USP3: variants seen among roughly 807,000 people sequenced by gnomAD.
The protein encoded by USP3 is ubiquitin specific peptidase 3.
USP3 carries 20 observed loss-of-function variants against 72.3 expected under a neutral mutation model. The ratio of observed to expected loss-of-function variants is 0.28; its 90% confidence interval spans 0.19 to 0.40. The LOEUF (loss-of-function observed/expected upper bound fraction) is 0.40, where lower values mean the gene tolerates loss of function less well. USP3 is among the 10% of genes least tolerant of loss of function. USP3 has a pLI of 1.00. For synonymous variants in USP3, 222 were observed against 225.3 expected (o/e 0.99, Z 0.13); for missense variants, 479 against 633.9 (o/e 0.76, Z 2.62).
At chr15:63,547,115 A>C (rs1357786946) in intron 3 of USP3, among the ~76,000 whole-genome samples, 3 of 152,234 alleles carry the variant, frequency 2.0e-5, no homozygotes, top group South Asian at 2.1e-4. Context: ...ATGTGCTGTG[A>C]GGCTAGTTAC....
chr15:63,536,945 T>G (rs2066167179), intron 2 of USP3, 80 bp from the exon 3 acceptor site: 2 of 1,399,166 alleles, frequency 1.4e-6, no homozygotes, highest in Admixed American at 2.3e-5. Context: ...TTGATTTGAT[T>G]AATATTTAAT....
Position 63,588,168 on chromosome 15 carries a change from T to G in USP3, c.1097-137T>G, listed in dbSNP as rs1386431276. ...TAGGTATTATTTTTTGTCTCCAGTT[T>G]GCAATTGAGAAAGGTTAACTTTTCT... On this transcript the variant is annotated intron_variant, in intron 11 of 14. Coordinates refer to ENST00000380324, the MANE Select transcript of USP3 (RefSeq NM_006537.4). This position sits in a 1 kb window ranked among gnomAD's most constrained non-coding sequence, Gnocchi z 4.6. 1.4e-5 allele frequency: 8 copies of G among 588,592 alleles called. No individual in the cohort carries two copies. Among genetic ancestry groups the G allele is most frequent in the Non-Finnish European group, 2.3e-5 (8 of 343,506 alleles). The allele number at this position is 588,592 out of a possible 1,614,324, so 36.5% of individuals were successfully genotyped here.
rs761951575 is a variant in USP3, at chr15:63,559,924, G to A, written c.601G>A (p.Ala201Thr). 6.2e-7 allele frequency: 1 copy of A among 1,614,106 alleles called. No individual in the cohort carries two copies. Among genetic ancestry groups the A allele is most frequent in the Non-Finnish European group, 8.5e-7 (1 of 1,179,980 alleles). The part of the protein sequence containing the change: ...PAVELRNGKT[A>T]GRRTYHTRSQ... ...CGTGGAGTTAAGGAATGGGAAAACAGCAGGAAGGCGGACATACCACACCAG... is the reference window on the plus strand; with the variant it reads ...CGTGGAGTTAAGGAATGGGAAAACAACAGGAAGGCGGACATACCACACCAG... The change falls in exon 7 of 15, where the codon GCA (alanine) becomes ACA (threonine). Residue 201 changes from alanine to threonine, a missense_variant. Physicochemically the swap from Ala to Thr is moderately conservative, Grantham distance 58. Transcript: ENST00000380324.
In USP3 at chr15:63,559,945, A is replaced by C. The variant is rs2152672804; in HGVS notation, c.622A>C (p.Thr208Pro). 1 of 1,614,054 alleles carries C rather than the reference A, an allele frequency of 6.2e-7. No individual in the cohort carries two copies. Residue 208 changes from threonine (T) to proline (P), a missense_variant, in exon 7 of 15, where the codon ACC becomes CCC. Coordinates refer to ENST00000380324, the MANE Select transcript of USP3 (RefSeq NM_006537.4). ...GKTAGRRTYH[T>P]RSQGDNNVSL... ...AACAGCAGGAAGGCGGACATACCAC[A>C]CCAGGAGCCAAGGGGATAACAATGT... is the stretch of plus-strand genomic sequence containing the variant.
In USP3 at chr15:63,593,576, G is replaced by A. The variant is rs1164121532; in HGVS notation, c.*2750G>A. On this transcript the variant is annotated 3_prime_UTR_variant, in exon 15 of 15. Coordinates refer to ENST00000380324, the MANE Select transcript of USP3 (RefSeq NM_006537.4). ...TGCTGTTGGCTTAAGAGATGAACAC[G>A]TCTTCTCTCTGAATTTGTTTTTATT... 2 of 152,214 alleles carry A rather than the reference G, an allele frequency of 1.3e-5. No individual in the cohort carries two copies. Among genetic ancestry groups the A allele is most frequent in the African/African-American group, 2.4e-5 (1 of 41,434 alleles). 9.4% of individuals were successfully genotyped at this position (152,214 alleles called of 1,614,324 possible). A position where few individuals can be genotyped will look rare whatever the true frequency, so the allele number is the denominator to read the frequency against.
chr15:63,575,614 G>A (rs2066851089), intron 11 of USP3, among the ~76,000 whole-genome samples: 1 of 152,146 alleles, frequency 6.6e-6, no homozygotes, highest in Non-Finnish European at 1.5e-5. Context: ...TACACAACCA[G>A]TGTTGATTGT....
At chr15:63,559,752 C>G (rs2066573610) in intron 6 of USP3, 105 bp from the exon 7 acceptor site, 1 of 892,818 alleles carries the variant, frequency 1.1e-6, no homozygotes, top group South Asian at 1.8e-5. Flanking sequence ...TTAAATGAGA[C>G]AATTGAAAAA....
Position 63,574,348 on chromosome 15 carries a change from G to T in USP3, c.1041G>T (p.Gln347His). The T allele has an allele frequency of 6.2e-7, 1 of 1,605,960 alleles. No homozygotes were observed. Reference protein sequence around the residue: ...FLDLSLDIPSQFRSKRSKNQE... With the variant: ...FLDLSLDIPSHFRSKRSKNQE... The stretch of plus-strand genomic sequence containing the variant: ...ACCTTTCATTAGATATTCCAAGTCA[G>T]TTCAGAAGTAAGCGCTCTAAGAATC... The change falls in exon 11 of 15, where the codon CAG becomes CAT. Residue 347 changes from glutamine (Q) to histidine (H), a missense_variant. Transcript: ENST00000380324. The surrounding 1 kb of genome is among the most constrained non-coding windows in gnomAD (Gnocchi z 4.6).
Position 63,504,776 on chromosome 15 carries a change from G to A in USP3, c.37G>A (p.Ala13Thr). ...ACACCTGAGCTCCAGCGTCTGCATT[G>A]CTCCGGACTCAGCCAAGTTCCCCAA... Reference protein sequence around the residue: ...CPHLSSSVCIAPDSAKFPNGS... With the variant: ...CPHLSSSVCITPDSAKFPNGS... The change falls in exon 1 of 15, where the codon GCT (alanine) becomes ACT (threonine). Residue 13 changes from alanine to threonine, a missense_variant. Ala to Thr is a moderately conservative substitution (Grantham distance 58). Transcript: ENST00000380324. The A allele has an allele frequency of 1.2e-6, 2 of 1,611,620 alleles. No individual in the cohort carries two copies. The highest frequency in any genetic ancestry group is 2.2e-5 in the South Asian group (2 of 90,728).
intron 11 of USP3, among the ~76,000 whole-genome samples, chr15:63,579,951 G>T (rs987424295): frequency 6.6e-6 from 1 of 152,114 alleles, no homozygotes; most frequent in Non-Finnish European, 1.5e-5. Flanking sequence ...AATTGGCATG[G>T]TTGTTTTTGG....
chr15:63,549,641 AT>A (rs1254346674), intron 3 of USP3, among the ~76,000 whole-genome samples: 2 of 152,240 alleles, frequency 1.3e-5, no homozygotes, highest in African/African-American at 4.8e-5. Context: ...TATTATAAAA[AT>A]CTTCAATTTT....
chr15:63,512,239 A>G (rs1295517684), intron 1 of USP3, among the ~76,000 whole-genome samples: 2 of 151,090 alleles, frequency 1.3e-5, no homozygotes, highest in Non-Finnish European at 3.0e-5. Flanking sequence ...CCTAGCCAGT[A>G]ACTGCAGATC....
At chr15:63,556,575 A>T in intron 4 of USP3, 92 bp from the exon 5 acceptor site, 1 of 923,414 alleles carries the variant, frequency 1.1e-6, no homozygotes, top group Non-Finnish European at 1.6e-6. Context: ...TCCATGCCCT[A>T]GGTGTTGAGG....
At chr15:63,536,917 T>C (rs1332879500) in intron 2 of USP3, 108 bp from the exon 3 acceptor site, 3 of 1,196,178 alleles carry the variant, frequency 2.5e-6, no homozygotes, top group East Asian at 2.6e-5. Context: ...TTGACTGCTG[T>C]TATAGGATTT....
intron 8 of USP3, among the ~76,000 whole-genome samples, chr15:63,566,159 T>C (rs999693204): frequency 6.6e-6 from 1 of 152,216 alleles, no homozygotes; most frequent in Admixed American, 6.5e-5. Context: ...TTTATTTTTT[T>C]AAATCAGTTC....
intron 1 of USP3, among the ~76,000 whole-genome samples, chr15:63,510,860 T>G (rs1156981741): frequency 6.6e-6 from 1 of 152,186 alleles, no homozygotes; most frequent in Admixed American, 6.5e-5. Context: ...TAAGAATAGG[T>G]GTCCTTGAGA....
At chr15:63,511,759 G>A (rs574247674) in intron 1 of USP3, among the ~76,000 whole-genome samples, 2 of 152,112 alleles carry the variant, frequency 1.3e-5, no homozygotes, top group Admixed American at 1.3e-4. Context: ...TTTGTTGTAG[G>A]GTGGAGGAAG....
rs185606800 is a variant in USP3, at chr15:63,568,168, A to G, written c.762-2265A>G. On this transcript the variant is annotated intron_variant, in intron 8 of 14. Transcript: ENST00000380324. ...GGAGATCGAGACCATCCTGGTCAAC[A>G]TGGTGAAACCCCGTCTCTACCAAAA... Among the ~76,000 whole-genome samples, 1,455 of 152,132 alleles carry G rather than the reference A, an allele frequency of 9.6e-3. 18 individuals are homozygous for G. The highest frequency in any genetic ancestry group is 0.013 in the Non-Finnish European group (885 of 67,992).
intron 3 of USP3, among the ~76,000 whole-genome samples, chr15:63,538,685 A>G (rs1479388058): frequency 2.6e-5 from 4 of 151,672 alleles, no homozygotes; most frequent in Admixed American, 6.6e-5. Flanking sequence ...AGCTGGGACT[A>G]TAGGCACCTG....
Sources: allele counts gnomAD v4.1 joint callset (sites outside exome capture counted in the v4.1 genomes callset), GRCh38; gene constraint gnomAD v4.1.1; non-coding constraint Gnocchi (gnomAD v3.1); transcripts MANE v1.5; gene names NCBI Gene and HGNC (gene_info 2026-07-23, HGNC 2026-07-21).